TAFA5: variants seen among roughly 807,000 people sequenced by gnomAD.
TAFA5 encodes chemokine-like protein TAFA-5.
In TAFA5, 6 loss-of-function variants were observed where a neutral mutation model predicts 15.3. The ratio of observed to expected loss-of-function variants is 0.39; its 90% CI spans 0.21 to 0.77. The LOEUF (loss-of-function observed/expected upper bound fraction) is 0.77, where lower values mean the gene tolerates loss of function less well. TAFA5 is among the 30% of genes least tolerant of loss of function. The pLI, the probability that TAFA5 is intolerant of heterozygous loss-of-function variation, is 0.41. For missense variants in TAFA5, 161 were observed against 193.1 expected (o/e 0.83, Z 0.98); for synonymous variants, 103 against 80.7 (o/e 1.28, Z -1.48).
At chr22:48,655,483 C>T (rs530620027) in intron 2 of TAFA5, among the ~76,000 whole-genome samples, 7 of 152,264 alleles carry the variant, frequency 4.6e-5, no homozygotes, top group South Asian at 4.1e-4. Flanking sequence ...AGAGGCAGAA[C>T]GCTCCATCCT....
At chr22:48,656,492 G>A (rs1270705361) in intron 2 of TAFA5, among the ~76,000 whole-genome samples, 2 of 150,816 alleles carry the variant, frequency 1.3e-5, no homozygotes, top group Admixed American at 6.6e-5. Context: ...GTGACAGAGC[G>A]AGACTCCATC....
At chr22:48,711,612 T>C (rs180971151) in intron 3 of TAFA5, among the ~76,000 whole-genome samples, 2 of 152,356 alleles carry the variant, frequency 1.3e-5, no homozygotes, top group East Asian at 3.9e-4. Flanking sequence ...CTCTCCTAGA[T>C]GGTAAATTAG....
At chr22:48,748,313 T>G (rs565452516) in intron 3 of TAFA5, among the ~76,000 whole-genome samples, 149 of 152,344 alleles carry the variant, frequency 9.8e-4, no homozygotes, top group Non-Finnish European at 1.4e-3. Context: ...GACACAGGCC[T>G]TGGCCTTGGA....
At position 48,555,048 on chromosome 22, in the gene TAFA5, G is replaced by A. The variant is rs546354215; in HGVS notation, c.112+65344G>A. On this transcript the variant is annotated intron_variant, in intron 1 of 3. Transcript: ENST00000402357. The stretch of plus-strand genomic sequence containing the variant: ...ACAAGAGAAGGCTGTTCCAGTGGCT[G>A]TCATGGCAGCAGGAGGTCAGACGAC... Among the ~76,000 whole-genome samples, 663 of 152,332 alleles carry A rather than the reference G, an allele frequency of 4.4e-3. 9 individuals carry two copies. The highest frequency in any genetic ancestry group is 0.015 in the African/African-American group (634 of 41,582).
At chr22:48,659,336 TCACAGCCCAGCCCACCGTC>T (rs1438551256) in intron 2 of TAFA5, among the ~76,000 whole-genome samples, 2 of 152,154 alleles carry the variant, frequency 1.3e-5, no homozygotes, top group African/African-American at 4.8e-5. Context: ...AGGGAGACAT[TCACAGCCCAGCCCACCGTC>T]CACAGACCAG....
chr22:48,665,086 C>T (rs560531938), intron 2 of TAFA5, among the ~76,000 whole-genome samples: 1 of 152,230 alleles, frequency 6.6e-6, no homozygotes, highest in South Asian at 2.1e-4. Context: ...CCAGCACCGG[C>T]GATGGTCAGT....
intron 1 of TAFA5, among the ~76,000 whole-genome samples, chr22:48,580,303 G>A (rs73890910): frequency 0.011 from 1,641 of 152,328 alleles, 26 homozygotes; most frequent in African/African-American, 0.035. Context: ...TTATGGCTCC[G>A]CGCAGTCATC....
intron 1 of TAFA5, among the ~76,000 whole-genome samples, chr22:48,645,895 G>A (rs1926842540): frequency 6.6e-6 from 1 of 152,168 alleles, no homozygotes; most frequent in East Asian, 1.9e-4. Flanking sequence ...GGGGTGTGTT[G>A]CGTGCACATC....
At position 48,609,825 on chromosome 22, in the gene TAFA5, C is replaced by A. The variant is rs73889169; in HGVS notation, c.113-36772C>A. On this transcript the variant is annotated intron_variant, in intron 1 of 3. Coordinates refer to ENST00000402357, the MANE Select transcript of TAFA5 (RefSeq NM_001082967.3). The stretch of plus-strand genomic sequence containing the variant: ...TGCTCCCGGCTGCTCTCTGGCTGCC[C>A]GTGGCTCAGGCAGCCCTTGGCTTCC... Among the ~76,000 whole-genome samples, 594 of 152,276 alleles carry A rather than the reference C, an allele frequency of 3.9e-3. 2 individuals carry two copies. The highest frequency in any genetic ancestry group is 0.027 in the Middle Eastern group (8 of 294).
At position 48,546,617 on chromosome 22, in the gene TAFA5, G is replaced by A. The variant is rs374516472; in HGVS notation, c.112+56913G>A. 3.4e-5 allele frequency: 16 copies of A among 471,152 alleles called. No homozygotes were observed. The East Asian group carries it at 3.5e-4, about 10-fold the overall frequency. The allele number at this position is 471,152 out of a possible 1,614,324, so 29.2% of individuals were successfully genotyped here. A position where few individuals can be genotyped will look rare whatever the true frequency, so the allele number is the denominator to read the frequency against. Reference sequence around the variant, plus strand: ...CTTTGGGGAATCCTAAAAGGATCAAGAGTGCGTGAGGGCATGGCCTGGCGA... The same window carrying A: ...CTTTGGGGAATCCTAAAAGGATCAAAAGTGCGTGAGGGCATGGCCTGGCGA... On this transcript the variant is annotated intron_variant, in intron 1 of 3. Coordinates refer to ENST00000402357, the MANE Select transcript of TAFA5 (RefSeq NM_001082967.3).
chr22:48,679,295 A>G lies in TAFA5; in HGVS notation c.263-28422A>G, dbSNP rs866569819. 2.4e-3 allele frequency among the ~76,000 whole-genome samples: 181 copies of G among 74,656 alleles called. 7 individuals carry two copies. Among genetic ancestry groups the G allele is most frequent in the South Asian group, 6.6e-3 (9 of 1,372 alleles). 49.0% of individuals were successfully genotyped at this position (74,656 alleles called of 152,430 possible). On this transcript the variant is annotated intron_variant, in intron 2 of 3. Transcript: ENST00000402357. ...CCATCCCTCTTCCGGCTCCCCGTCC[A>G]TCCCTCTCCGGGCTCCCCGTCCATC...
At chr22:48,503,045 A>T (rs5767174) in intron 1 of TAFA5, among the ~76,000 whole-genome samples, 5 of 152,094 alleles carry the variant, frequency 3.3e-5, no homozygotes, top group Non-Finnish European at 7.4e-5. Context: ...GGACCTTCCC[A>T]TGCTCTTCCA....
intron 1 of TAFA5, among the ~76,000 whole-genome samples, chr22:48,549,607 C>A (rs748397707): frequency 1.3e-5 from 2 of 152,212 alleles, no homozygotes; most frequent in Non-Finnish European, 2.9e-5. Flanking sequence ...CAAGGGACCA[C>A]CTGCTCCTGT....
At chr22:48,601,363 G>T (rs1439342243) in intron 1 of TAFA5, among the ~76,000 whole-genome samples, 4 of 151,366 alleles carry the variant, frequency 2.6e-5, no homozygotes, top group African/African-American at 9.7e-5. Flanking sequence ...TTTCGCTCTT[G>T]TTGCCCAGAC....
chr22:48,650,077 A>C (rs1436032646), intron 2 of TAFA5, among the ~76,000 whole-genome samples: 1 of 152,090 alleles, frequency 6.6e-6, no homozygotes, highest in Non-Finnish European at 1.5e-5. Flanking sequence ...ATCTAATTTA[A>C]TTTTTGCTTT....
At chr22:48,705,758 C>T (rs930300991) in intron 2 of TAFA5, among the ~76,000 whole-genome samples, 3 of 152,252 alleles carry the variant, frequency 2.0e-5, no homozygotes, top group East Asian at 3.8e-4. Flanking sequence ...GCCCGCTGCC[C>T]GTCTGGAGGA....
intron 1 of TAFA5, among the ~76,000 whole-genome samples, chr22:48,565,686 C>G (rs545423362): frequency 6.6e-6 from 1 of 152,334 alleles, no homozygotes; most frequent in Admixed American, 6.5e-5. Context: ...GGACTTGCAC[C>G]CACCGCAGCC....
chr22:48,531,415 C>T lies in TAFA5; in HGVS notation c.112+41711C>T, dbSNP rs149123573. 3.2e-4 allele frequency among the ~76,000 whole-genome samples: 49 copies of T among 152,298 alleles called. No individual in the cohort carries two copies. In the East Asian group the frequency reaches 8.3e-3, roughly 26 times the overall value. ...TTTCTTGCAGACAACGTGAGTCTTG[C>T]GGCCTCTGCAGGTGGCTCCTGACAC... On this transcript the variant is annotated intron_variant, in intron 1 of 3. Coordinates refer to ENST00000402357, the MANE Select transcript of TAFA5 (RefSeq NM_001082967.3).
chr22:48,594,065 G>A (rs927414220), intron 1 of TAFA5, among the ~76,000 whole-genome samples: 5 of 152,210 alleles, frequency 3.3e-5, no homozygotes, highest in Admixed American at 1.3e-4. Context: ...TTTCCAGGGC[G>A]CTGAGGCCTG....
Sources: allele counts gnomAD v4.1 joint callset (sites outside exome capture counted in the v4.1 genomes callset), GRCh38; gene constraint gnomAD v4.1.1; transcripts MANE v1.5; gene names NCBI Gene and HGNC (gene_info 2026-07-23, HGNC 2026-07-21).